The following GALNTL5 variants were observed in gnomAD, a reference collection of about 807,000 sequenced individuals.
The protein encoded by GALNTL5 is polypeptide N-acetylgalactosaminyltransferase like 5.
Under a neutral mutation model 51.0 loss-of-function variants are expected in GALNTL5, and 44 were observed. That is an observed-to-expected ratio of 0.86 (90% CI 0.68 to 1.11). The LOEUF (loss-of-function observed/expected upper bound fraction) is 1.11. GALNTL5 is among the 50% of genes least tolerant of loss of function. GALNTL5 has a pLI of 0.00. For missense variants in GALNTL5, 528 were observed against 531.8 expected, an observed-to-expected ratio of 0.99 and a Z score of 0.07; for synonymous variants, 192 against 182.8, an observed-to-expected ratio of 1.05 and a Z score of -0.41.
intron 5 of GALNTL5, among the ~76,000 whole-genome samples, chr7:151,988,383 C>A (rs1178065681): frequency 1.3e-5 from 2 of 152,272 alleles, no homozygotes; most frequent in South Asian, 2.1e-4. Context: ...GAGCTGGAAC[C>A]ACGGGAGGCG....
intron 2 of GALNTL5, among the ~76,000 whole-genome samples, chr7:151,970,446 G>C (rs1310635904): frequency 6.6e-6 from 1 of 151,924 alleles, no homozygotes; most frequent in African/African-American, 2.4e-5. Flanking sequence ...CAATGTTGAA[G>C]GTGGAGCCTG....
intron 7 of GALNTL5, among the ~76,000 whole-genome samples, chr7:152,010,491 G>A (rs980686385): frequency 3.3e-5 from 5 of 152,092 alleles, no homozygotes; most frequent in Admixed American, 3.3e-4. Flanking sequence ...TTTTGGCCCA[G>A]GTGCGGCAGC....
intron 5 of GALNTL5, among the ~76,000 whole-genome samples, chr7:151,999,689 A>G (rs1186115579): frequency 6.6e-6 from 1 of 152,184 alleles, no homozygotes; most frequent in Non-Finnish European, 1.5e-5. Context: ...CTATCAAATG[A>G]GCAGACATGA....
At chr7:151,985,729 C>T (rs950142156) in intron 4 of GALNTL5, 4 of 153,200 alleles carry the variant, frequency 2.6e-5, no homozygotes, top group African/African-American at 9.7e-5. Context: ...CTGCTGCTGC[C>T]TTAACTGCCT....
intron 6 of GALNTL5, among the ~76,000 whole-genome samples, chr7:152,003,256 T>C (rs374242768): frequency 3.8e-4 from 58 of 152,346 alleles, no homozygotes; most frequent in African/African-American, 1.4e-3. Flanking sequence ...ATATTTCATT[T>C]GACTAAAAGC....
chr7:151,985,392 C>T (rs534864697), intron 4 of GALNTL5, among the ~76,000 whole-genome samples: 1 of 152,340 alleles, frequency 6.6e-6, no homozygotes, highest in African/African-American at 2.4e-5. Flanking sequence ...GAGCCTTAAA[C>T]ACAGGACTAG....
intron 5 of GALNTL5, among the ~76,000 whole-genome samples, chr7:151,990,449 C>T (rs941616138): frequency 6.0e-5 from 9 of 150,324 alleles, no homozygotes; most frequent in African/African-American, 1.5e-4. Flanking sequence ...GGCGTGGTGG[C>T]GGGCGCCTGT....
chr7:152,007,829 C>T lies in GALNTL5; in HGVS notation c.911C>T (p.Ser304Leu). Residue 304 changes from serine to leucine, a missense_variant and splice_region_variant, in exon 7 of 9, where the codon TCA (serine) becomes TTA (leucine). Ser to Leu is a moderately radical substitution (Grantham distance 145, BLOSUM62 -2). Coordinates refer to ENST00000392800, the MANE Select transcript of GALNTL5 (RefSeq NM_145292.4). ...TCATATTTATGTCCCCTTTCTAGGT[C>T]ACCTGCAATGTCTGGAGGAATTTTT... is the stretch of plus-strand genomic sequence containing the variant. Reference protein sequence around the residue: ...GPEGSTKPIRSPAMSGGIFAI... With the variant: ...GPEGSTKPIRLPAMSGGIFAI... 2 of 1,557,586 alleles carry T rather than the reference C, an allele frequency of 1.3e-6. No homozygotes were observed. The highest frequency in any genetic ancestry group is 1.7e-5 in the Admixed American group (1 of 59,794).
chr7:151,966,215 T>A (rs980439855), intron 1 of GALNTL5, among the ~76,000 whole-genome samples: 1 of 152,034 alleles, frequency 6.6e-6, no homozygotes, highest in Non-Finnish European at 1.5e-5. Context: ...TTATTAGTTC[T>A]CCTGTTGAGG....
At chr7:151,968,983 A>T (rs1474928778) in intron 2 of GALNTL5, among the ~76,000 whole-genome samples, 1 of 152,046 alleles carries the variant, frequency 6.6e-6, no homozygotes, top group Non-Finnish European at 1.5e-5. Flanking sequence ...TTTCTTCTTA[A>T]TTTTTAAGAC....
Position 151,986,372 on chromosome 7 carries a change from C to T in GALNTL5, c.536-787C>T, listed in dbSNP as rs541347980. On this transcript the variant is annotated intron_variant, in intron 4 of 8. Transcript: ENST00000392800. ...TTACAGGGCGAGGCGTGGTGGCTCACGCCTATAATCCCAGAACTTTGGGAG... is the reference window on the plus strand; with the variant it reads ...TTACAGGGCGAGGCGTGGTGGCTCATGCCTATAATCCCAGAACTTTGGGAG... 2.8e-4 allele frequency among the ~76,000 whole-genome samples: 43 copies of T among 152,330 alleles called. 1 individual carries two copies. Among genetic ancestry groups the T allele is most frequent in the African/African-American group, 1.0e-3 (42 of 41,584 alleles).
chr7:151,972,652 A>G (rs1308607032), intron 3 of GALNTL5, among the ~76,000 whole-genome samples: 1 of 152,154 alleles, frequency 6.6e-6, no homozygotes, highest in Non-Finnish European at 1.5e-5. Flanking sequence ...GCCAAAAGGG[A>G]CCAAAGTACA....
chr7:151,957,243 C>A (rs926294267), intron 1 of GALNTL5, among the ~76,000 whole-genome samples: 1 of 151,618 alleles, frequency 6.6e-6, no homozygotes, highest in African/African-American at 2.4e-5. Flanking sequence ...TCAATAGACT[C>A]GTATTTTTTT....
chr7:152,010,288 A>G lies in GALNTL5; in HGVS notation c.1026+2344A>G, dbSNP rs541326061. Among the ~76,000 whole-genome samples, 6 of 151,994 alleles carry G rather than the reference A, an allele frequency of 3.9e-5. No homozygotes were observed. The East Asian group carries it at 1.2e-3, about 30-fold the overall frequency. On this transcript the variant is annotated intron_variant, in intron 7 of 8. Transcript: ENST00000392800. ...CCACAACACCTGGCTAATTGTTTGT[A>G]TTTTAGTAGAGATGGGGTTTCACCA...
In GALNTL5 at chr7:151,987,402, T is replaced by G. The variant is rs1376258863; in HGVS notation, c.658+121T>G. 4 of 860,134 alleles carry G rather than the reference T, an allele frequency of 4.7e-6. No individual in the cohort carries two copies. In the African/African-American group the frequency reaches 5.3e-5, roughly 11 times the overall value. The allele number at this position is 860,134 out of a possible 1,614,324, so 53.3% of individuals were successfully genotyped here. ...GTCTGCTTCATCAGAAGAGTGGAAA[T>G]CTATTCCAGCCATATGAGCCTTTAA... On this transcript the variant is annotated intron_variant, in intron 5 of 8. Coordinates refer to ENST00000392800, the MANE Select transcript of GALNTL5 (RefSeq NM_145292.4).
chr7:151,998,780 AAAACAAAAAAC>A lies in GALNTL5; in HGVS notation c.659-3930_659-3920del, dbSNP rs1325062065. ...GAGCGAGACTCTATCTAAAAAAAAA[AAAACAAAAAAC>A]AAAACTACTCCGATAGGCAAAGTAC... On this transcript the variant is annotated intron_variant, in intron 5 of 8. Coordinates refer to ENST00000392800, the MANE Select transcript of GALNTL5 (RefSeq NM_145292.4). Among the ~76,000 whole-genome samples, 669 of 128,034 alleles carry A rather than the reference AAAACAAAAAAC, an allele frequency of 5.2e-3. 21 individuals are homozygous for A. Among genetic ancestry groups the A allele is most frequent in the African/African-American group, 0.018 (658 of 36,176 alleles). The allele number at this position is 128,034 out of a possible 152,430, so 84.0% of individuals were successfully genotyped here.
At chr7:151,964,443 C>G (rs1359641745) in intron 1 of GALNTL5, among the ~76,000 whole-genome samples, 1 of 152,114 alleles carries the variant, frequency 6.6e-6, no homozygotes, top group East Asian at 1.9e-4. Flanking sequence ...CAGGTCTTTC[C>G]CATGTTGTTC....
At chr7:151,961,033 C>T (rs775605927) in intron 1 of GALNTL5, among the ~76,000 whole-genome samples, 8 of 152,162 alleles carry the variant, frequency 5.3e-5, no homozygotes, top group South Asian at 4.1e-4. Flanking sequence ...AGGTCAAAAC[C>T]GTAGAAGTCA....
chr7:152,019,626 G>A lies in GALNTL5; in HGVS notation c.1177-20G>A, dbSNP rs141892389. ...ATTTGTTTGGTTGAACGTAACGACT[G>A]ACTCTATATTTTCATTTAGGAGCAG... On this transcript the variant is annotated intron_variant, in intron 8 of 8. Transcript: ENST00000392800. 170 of 1,602,794 alleles carry A rather than the reference G, an allele frequency of 1.1e-4. 1 individual carries two copies. In the African/African-American group the frequency reaches 2.0e-3, roughly 19 times the overall value.
Sources: allele counts gnomAD v4.1 joint callset (sites outside exome capture counted in the v4.1 genomes callset), GRCh38; gene constraint gnomAD v4.1.1; transcripts MANE v1.5; gene names NCBI Gene and HGNC (gene_info 2026-07-23, HGNC 2026-07-21).